Variants in HCRTR2 observed in about 807,000 individuals in gnomAD.
HCRTR2 encodes the protein hypocretin receptor 2, also known as orexin receptor type 2.
In HCRTR2, 22 loss-of-function variants were observed where a neutral mutation model predicts 49.0. That is an observed-to-expected ratio of 0.45 (90% CI 0.32 to 0.64). The LOEUF (loss-of-function observed/expected upper bound fraction) is 0.64, where lower values mean the gene tolerates loss of function less well. Ranked by LOEUF, HCRTR2 falls within the 30% of genes least tolerant of loss-of-function variation. The pLI, the probability that HCRTR2 is intolerant of heterozygous loss-of-function variation, is 0.04. For missense variants in HCRTR2, 491 were observed against 559.4 expected (o/e 0.88, Z 1.23); for synonymous variants, 236 against 205.3 (o/e 1.15, Z -1.28).
chr6:55,274,438 A>T (rs1767040414), intron 4 of HCRTR2, among the ~76,000 whole-genome samples: 1 of 151,036 alleles, frequency 6.6e-6, no homozygotes, highest in South Asian at 2.1e-4. Flanking sequence ...AGTATAATTG[A>T]TTTTTTTGTT....
Position 55,192,128 on chromosome 6 carries a change from T to C in HCRTR2, c.223+17318T>C, listed in dbSNP as rs79158208. On this transcript the variant is annotated intron_variant, in intron 1 of 6. Transcript: ENST00000370862. ...AATCCTGTGTATACTCATATGAACT[T>C]TAAGGAAATATCAGAGGCATCAGTA... Among the ~76,000 whole-genome samples the C allele has an allele frequency of 4.9e-3, 750 of 152,248 alleles. 5 individuals carry two copies. Among genetic ancestry groups the C allele is most frequent in the African/African-American group, 0.017 (713 of 41,538 alleles).
At position 55,282,313 on chromosome 6, in the gene HCRTR2, A is replaced by G. The variant is rs1767208069; in HGVS notation, c.1194A>G (p.Arg398=). ...HRQEDRLTRG[R]TSTESRKSLT... ...AGGAGGATCGGCTCACCAGGGGACG[A>G]ACTAGCACAGAGAGCCGGAAGTCCT... is the stretch of plus-strand genomic sequence containing the variant. Residue 398 remains arginine, a synonymous_variant, in exon 7 of 7, where the codon CGA becomes CGG. Transcript: ENST00000370862. The G allele has an allele frequency of 4.3e-6, 7 of 1,613,730 alleles. No homozygotes were observed. The highest frequency in any genetic ancestry group is 5.9e-6 in the Non-Finnish European group (7 of 1,179,890).
chr6:55,192,960 G>A (rs1765345875), intron 1 of HCRTR2, among the ~76,000 whole-genome samples: 1 of 152,194 alleles, frequency 6.6e-6, no homozygotes, highest in African/African-American at 2.4e-5. Flanking sequence ...TGGAAGCTCA[G>A]CGATAACCAT....
chr6:55,201,146 C>T (rs1179449856), intron 1 of HCRTR2, among the ~76,000 whole-genome samples: 1 of 152,012 alleles, frequency 6.6e-6, no homozygotes, highest in Non-Finnish European at 1.5e-5. Context: ...CTGCCTTGGT[C>T]ATTTAAACTT....
At chr6:55,143,766 G>T (rs1764541421) in intron 1 of HCRTR2, among the ~76,000 whole-genome samples, 1 of 152,126 alleles carries the variant, frequency 6.6e-6, no homozygotes, top group African/African-American at 2.4e-5. Context: ...ATACTGCGGG[G>T]TTAGCACCAT....
At chr6:55,267,824 A>C (rs917892735) in intron 4 of HCRTR2, among the ~76,000 whole-genome samples, 3 of 152,182 alleles carry the variant, frequency 2.0e-5, no homozygotes, top group Non-Finnish European at 4.4e-5. Context: ...CTAGTGTGAG[A>C]AAATAGGCAG....
chr6:55,134,290 C>T (rs113204064), intron 1 of HCRTR2, among the ~76,000 whole-genome samples: 4 of 151,882 alleles, frequency 2.6e-5, no homozygotes, highest in African/African-American at 9.6e-5. Flanking sequence ...CAAAACAGAA[C>T]ACAGTATGAT....
At chr6:55,116,715 G>GAGAAAAAA (rs55778468) in intron 1 of HCRTR2, among the ~76,000 whole-genome samples, 12 of 88,540 alleles carry the variant, frequency 1.4e-4, no homozygotes, top group East Asian at 1.4e-3. Flanking sequence ...AAGAGAGAGA[G>GAGAAAAAA]AAAAAAAAAA....
At chr6:55,168,368 T>C in intron 1 of HCRTR2, among the ~76,000 whole-genome samples, 1 of 152,148 alleles carries the variant, frequency 6.6e-6, no homozygotes, top group African/African-American at 2.4e-5. Context: ...AAACTATCAT[T>C]AGTAAAGGAC....
At chr6:55,121,642 C>G (rs939410035) in intron 1 of HCRTR2, among the ~76,000 whole-genome samples, 1 of 152,112 alleles carries the variant, frequency 6.6e-6, no homozygotes, top group African/African-American at 2.4e-5. Context: ...CCCATCAATA[C>G]CTAACTTATT....
At chr6:55,180,980 T>G (rs1344666504) in intron 1 of HCRTR2, among the ~76,000 whole-genome samples, 1 of 150,148 alleles carries the variant, frequency 6.7e-6, no homozygotes. Context: ...TTTTTTTTTT[T>G]GTATTTTTAG....
At chr6:55,266,953 T>A (rs1766871560) in intron 4 of HCRTR2, among the ~76,000 whole-genome samples, 1 of 152,176 alleles carries the variant, frequency 6.6e-6, no homozygotes, top group Non-Finnish European at 1.5e-5. Flanking sequence ...ATTATCCTCA[T>A]TAGTACAAGC....
At chr6:55,173,420 G>A (rs140926542), upstream of HCRTR2, among the ~76,000 whole-genome samples, 5 of 152,260 alleles carry the variant, frequency 3.3e-5, no homozygotes, top group East Asian at 9.7e-4. Flanking sequence ...GTGCAAGATT[G>A]TAATTACTTA....
chr6:55,130,035 C>A (rs79718233), intron 1 of HCRTR2, among the ~76,000 whole-genome samples: 2,298 of 152,056 alleles, frequency 0.015, 68 homozygotes, highest in African/African-American at 0.053. Context: ...ACTAATGTTT[C>A]AAACTCATTT....
At chr6:55,254,642 C>A (rs1766614970) in intron 2 of HCRTR2, among the ~76,000 whole-genome samples, 2 of 152,028 alleles carry the variant, frequency 1.3e-5, no homozygotes, top group Non-Finnish European at 2.9e-5. Flanking sequence ...ATGAAATAAG[C>A]TACCCATAAT....
intron 1 of HCRTR2, among the ~76,000 whole-genome samples, chr6:55,124,346 T>G (rs552353743): frequency 6.6e-6 from 1 of 152,282 alleles, no homozygotes. Context: ...CAGAACAACT[T>G]TATTTCTGCC....
intron 1 of HCRTR2, among the ~76,000 whole-genome samples, chr6:55,177,220 C>G (rs1392110292): frequency 1.3e-5 from 2 of 152,216 alleles, no homozygotes; most frequent in African/African-American, 2.4e-5. Context: ...TTACTCAAAG[C>G]ACTCTGCCTT....
At chr6:55,196,997 C>A (rs1163575957) in intron 1 of HCRTR2, among the ~76,000 whole-genome samples, 1 of 150,978 alleles carries the variant, frequency 6.6e-6, no homozygotes, top group Non-Finnish European at 1.5e-5. Context: ...TTATCTACAG[C>A]CCTAACTGCA....
chr6:55,121,554 A>T (rs1764199755), intron 1 of HCRTR2, among the ~76,000 whole-genome samples: 1 of 152,138 alleles, frequency 6.6e-6, no homozygotes, highest in African/African-American at 2.4e-5. Context: ...TTCAAAGGGA[A>T]TGCTTCCAGT....
Sources: allele counts gnomAD v4.1 joint callset (sites outside exome capture counted in the v4.1 genomes callset), GRCh38; gene constraint gnomAD v4.1.1; transcripts MANE v1.5; gene names NCBI Gene and HGNC (gene_info 2026-07-23, HGNC 2026-07-21).